The following RAB38 variants were observed in gnomAD, a reference collection of about 807,000 sequenced individuals.
The protein encoded by RAB38 is ras-related protein Rab-38.
A neutral mutation model predicts 18.4 loss-of-function variants in RAB38; 15 were observed. The ratio of observed to expected loss-of-function variants is 0.82; its 90% confidence interval spans 0.55 to 1.26. The LOEUF is 1.26. Ranked by LOEUF, RAB38 falls within the 50% of genes most tolerant of loss-of-function variation. The probability of loss-of-function intolerance (pLI) is 0.00; values close to 1 mark genes in which losing one functional copy is unlikely to be tolerated. For synonymous variants in RAB38, 101 were observed against 104.4 expected (o/e 0.97, Z 0.20); for missense variants, 294 against 267.4 (o/e 1.10, Z -0.69).
At chr11:88,057,463 C>CA in the RAB38 span, among the ~76,000 whole-genome samples, 8,428 of 142,028 alleles carry the variant, frequency 0.059, 285 homozygotes, top group African/African-American at 0.084. Context: ...ATTAGTCTAT[C>CA]AAAAAAAAAA....
the RAB38 span, among the ~76,000 whole-genome samples, chr11:88,017,379 A>G: frequency 6.6e-6 from 1 of 151,538 alleles, no homozygotes; most frequent in Non-Finnish European, 1.5e-5. Context: ...ACACACACAC[A>G]CAAACGCAAA....
chr11:88,112,798 A>G (rs1942491568), downstream of RAB38, among the ~76,000 whole-genome samples: 1 of 151,214 alleles, frequency 6.6e-6, no homozygotes, highest in Non-Finnish European at 1.5e-5. Flanking sequence ...AACAAAATAT[A>G]TATATATATA....
At chr11:88,080,435 T>C in the RAB38 span, among the ~76,000 whole-genome samples, 2 of 151,878 alleles carry the variant, frequency 1.3e-5, no homozygotes, top group African/African-American at 4.8e-5. Context: ...TATGTATTAA[T>C]TGGACTACTC....
chr11:88,085,520 A>G, the RAB38 span, among the ~76,000 whole-genome samples: 1 of 151,956 alleles, frequency 6.6e-6, no homozygotes, highest in South Asian at 2.1e-4. Flanking sequence ...TAAATGGTAT[A>G]TAGAGACTAA....
At chr11:88,077,568 A>G in the RAB38 span, among the ~76,000 whole-genome samples, 1 of 152,174 alleles carries the variant, frequency 6.6e-6, no homozygotes, top group Non-Finnish European at 1.5e-5. Flanking sequence ...AGAATCTTCA[A>G]TGAACAGTGC....
chr11:88,101,998 A>G, the RAB38 span, among the ~76,000 whole-genome samples: 1 of 152,014 alleles, frequency 6.6e-6, no homozygotes, highest in Non-Finnish European at 1.5e-5. Flanking sequence ...TAGAAAAACG[A>G]TGACAGCAAA....
At chr11:87,878,352 GTCTA>G in the RAB38 span, among the ~76,000 whole-genome samples, 1 of 142,222 alleles carries the variant, frequency 7.0e-6, no homozygotes, top group Non-Finnish European at 1.6e-5. Context: ...TCTATCATCT[GTCTA>G]TCTATCATCT....
the RAB38 span, among the ~76,000 whole-genome samples, chr11:87,918,872 T>C: frequency 6.6e-6 from 1 of 152,078 alleles, no homozygotes; most frequent in Admixed American, 6.6e-5. Flanking sequence ...CTTTTGAGTT[T>C]GGTGTGATCC....
At chr11:88,165,275 C>G (rs1291033734) in intron 1 of RAB38, among the ~76,000 whole-genome samples, 1 of 152,112 alleles carries the variant, frequency 6.6e-6, no homozygotes, top group Non-Finnish European at 1.5e-5. Context: ...CATATCCCAG[C>G]ATGACCTGCT....
the RAB38 span, among the ~76,000 whole-genome samples, chr11:87,901,225 C>G: frequency 1.3e-5 from 2 of 151,498 alleles, no homozygotes; most frequent in African/African-American, 4.8e-5. Flanking sequence ...GTTGAAAAAT[C>G]CCTGCAGACT....
the RAB38 span, among the ~76,000 whole-genome samples, chr11:87,901,924 C>CTTTT: frequency 7.0e-6 from 1 of 143,508 alleles, no homozygotes. Flanking sequence ...GTTTGGCTGA[C>CTTTT]TTTTTTTTTT....
chr11:87,937,100 T>C, the RAB38 span, among the ~76,000 whole-genome samples: 1 of 151,794 alleles, frequency 6.6e-6, no homozygotes, highest in African/African-American at 2.4e-5. Context: ...TAATTATAGA[T>C]ATAAGCTTTG....
chr11:87,807,400 T>C, the RAB38 span, among the ~76,000 whole-genome samples: 1 of 152,130 alleles, frequency 6.6e-6, no homozygotes, highest in Non-Finnish European at 1.5e-5. Context: ...TTTACCAGAG[T>C]TCGAAAGTTT....
the RAB38 span, among the ~76,000 whole-genome samples, chr11:88,089,717 A>G: frequency 6.6e-6 from 1 of 151,972 alleles, no homozygotes; most frequent in Non-Finnish European, 1.5e-5. Context: ...GGTTTCTCTG[A>G]AAACTGGCCA....
chr11:87,870,830 G>A, the RAB38 span, among the ~76,000 whole-genome samples: 1 of 151,520 alleles, frequency 6.6e-6, no homozygotes, highest in East Asian at 2.0e-4. Flanking sequence ...TTTGTGTATG[G>A]AATAACTATC....
the RAB38 span, among the ~76,000 whole-genome samples, chr11:88,004,568 G>T: frequency 1.3e-5 from 2 of 151,358 alleles, no homozygotes; most frequent in South Asian, 2.1e-4. Context: ...CCATCTATGA[G>T]CAGGGCAAGC....
chr11:87,832,303 G>C, the RAB38 span, among the ~76,000 whole-genome samples: 2 of 152,116 alleles, frequency 1.3e-5, no homozygotes, highest in Non-Finnish European at 2.9e-5. Context: ...CACCAATTTA[G>C]TGGCTTAAAA....
the RAB38 span, among the ~76,000 whole-genome samples, chr11:87,891,610 C>G: frequency 6.6e-6 from 1 of 151,702 alleles, no homozygotes; most frequent in Admixed American, 6.6e-5. Flanking sequence ...ACTATGAGTT[C>G]GAAACATTTT....
the RAB38 span, among the ~76,000 whole-genome samples, chr11:87,866,063 G>A: frequency 6.5e-4 from 99 of 151,806 alleles, no homozygotes; most frequent in African/African-American, 2.1e-3. Context: ...AATGAACAAT[G>A]GAGTCAGTAT....
Sources: allele counts gnomAD v4.1 joint callset (sites outside exome capture counted in the v4.1 genomes callset), GRCh38; gene constraint gnomAD v4.1.1; transcripts MANE v1.5; gene names NCBI Gene and HGNC (gene_info 2026-07-23, HGNC 2026-07-21).